The following KANK2 variants were observed in gnomAD, a reference collection of about 807,000 sequenced individuals.
The protein encoded by KANK2 is KN motif and ankyrin repeat domain-containing protein 2.
Under a neutral mutation model 74.6 loss-of-function variants are expected in KANK2, and 41 were observed. The observed-to-expected ratio is 0.55, with a 90% CI of 0.43 to 0.71. The LOEUF (loss-of-function observed/expected upper bound fraction) is 0.71, where lower values mean the gene tolerates loss of function less well. KANK2 is among the 30% of genes least tolerant of loss of function. The probability of loss-of-function intolerance (pLI) is 0.00; values close to 1 mark genes in which losing one functional copy is unlikely to be tolerated. For missense variants in KANK2, 1,148 were observed against 1,196.4 expected (o/e 0.96, Z 0.60); for synonymous variants, 537 against 519.0 (o/e 1.03, Z -0.47).
rs770899760 is a variant in KANK2, at chr19:11,170,125, C to T, written c.2335G>A (p.Ala779Thr). 10 of 1,613,024 alleles carry T rather than the reference C, an allele frequency of 6.2e-6. No individual in the cohort carries two copies. The highest frequency in any genetic ancestry group is 4.5e-5 in the East Asian group (2 of 44,908). Residue 779 changes from alanine to threonine, a missense_variant, in exon 11 of 13, where the codon GCC (alanine) becomes ACC (threonine). By Grantham distance (58) the Ala-to-Thr change is moderately conservative. Transcript: ENST00000586659. The surrounding 1 kb of genome is among the most constrained non-coding windows in gnomAD (Gnocchi z 5.2). ...ATCTCCTTGTGGCCGTGCTCACAGG[C>T]GCACATGAGGGCCGTGGAGCCGTCA... Reference protein sequence around the residue: ...DDDGSTALMCACEHGHKEIAG... With the variant: ...DDDGSTALMCTCEHGHKEIAG...
intron 12 of KANK2, 40 bp downstream of exon 12, chr19:11,169,837 C>T (rs1267660458): frequency 2.0e-6 from 3 of 1,496,166 alleles, no homozygotes; most frequent in Non-Finnish European, 2.8e-6. Context: ...CTTTCAGAGA[C>T]CCACCCATCC....
At chr19:11,176,995 G>T (rs2078360570) in intron 6 of KANK2, among the ~76,000 whole-genome samples, 178 bp from the exon 7 acceptor site, 1 of 152,010 alleles carries the variant, frequency 6.6e-6, no homozygotes, top group African/African-American at 2.4e-5. Context: ...CACACAGTAA[G>T]CGCTCAATAA....
Position 11,193,699 on chromosome 19 carries a change from C to A in KANK2, c.381G>T (p.Thr127=). The change falls in exon 4 of 13, where the codon ACG becomes ACT. Residue 127 remains threonine, a synonymous_variant. Transcript: ENST00000586659. This position sits in a 1 kb window ranked among gnomAD's most constrained non-coding sequence, Gnocchi z 9.6. ...RGGFNPRVER[T]LLDARRRLED... The stretch of plus-strand genomic sequence containing the variant: ...CGAGACGGCGACGGGCATCCAGCAG[C>A]GTGCGCTCCACCCGCGGATTGAAGC... The A allele has an allele frequency of 6.2e-7, 1 of 1,611,402 alleles. No homozygotes were observed. The highest frequency in any genetic ancestry group is 1.1e-5 in the South Asian group (1 of 91,018).
intron 12 of KANK2, among the ~76,000 whole-genome samples, chr19:11,167,800 T>C (rs557528425): frequency 1.5e-4 from 23 of 152,084 alleles, no homozygotes; most frequent in African/African-American, 5.5e-4. Flanking sequence ...AGTGCTGGGA[T>C]TACAGGCGTG....
At position 11,192,791 on chromosome 19, in the gene KANK2, C is replaced by A. The variant is rs199529899; in HGVS notation, c.1249+40G>T. ...GCCATGGGAAGAAAGAGGCCCCCCC[C>A]CCCCAAGCCATTCTCCCCTGCCTGC... On this transcript the variant is annotated intron_variant, in intron 4 of 12. Transcript: ENST00000586659. 1,932 of 1,582,712 alleles carry A rather than the reference C, an allele frequency of 1.2e-3. 11 individuals are homozygous for A. The highest frequency in any genetic ancestry group is 1.5e-3 in the Non-Finnish European group (1,700 of 1,159,660).
intron 9 of KANK2, among the ~76,000 whole-genome samples, chr19:11,173,412 C>T (rs2078235148): frequency 1.3e-5 from 2 of 152,176 alleles, no homozygotes; most frequent in South Asian, 2.1e-4. Context: ...GCCATTTACC[C>T]TCAGACTGGC....
At chr19:11,178,857 G>C in intron 4 of KANK2, 137 bp from the exon 5 acceptor site, 1 of 745,774 alleles carries the variant, frequency 1.3e-6, no homozygotes, top group Non-Finnish European at 2.0e-6. Flanking sequence ...CCTGCCCCTT[G>C]GAGGGAAATC....
In KANK2 at chr19:11,170,145, C is replaced by T; in HGVS notation, c.2315G>A (p.Gly772Asp). 1 of 1,612,604 alleles carries T rather than the reference C, an allele frequency of 6.2e-7. No homozygotes were observed. The highest frequency in any genetic ancestry group is 8.5e-7 in the Non-Finnish European group (1 of 1,180,024). The change falls in exon 11 of 13, where the codon GGC (glycine) becomes GAC (aspartate). Residue 772 changes from glycine (G) to aspartate (D), a missense_variant. Transcript: ENST00000586659. This position sits in a 1 kb window ranked among gnomAD's most constrained non-coding sequence, Gnocchi z 5.2. The stretch of plus-strand genomic sequence containing the variant: ...ACAGGCGCACATGAGGGCCGTGGAG[C>T]CGTCATCATCTTGCACGTTGACATC... The part of the protein sequence containing the change: ...EADVNVQDDD[G>D]STALMCACEH...
intron 12 of KANK2, 67 bp from the exon 13 acceptor site, chr19:11,166,678 T>A: frequency 6.8e-7 from 1 of 1,471,738 alleles, no homozygotes; most frequent in Non-Finnish European, 9.5e-7. Context: ...GCCAACGTGG[T>A]GGCTGGCCTG....
rs1345271242 is a variant in KANK2 at position 11,173,036 on chromosome 19, A to T, written c.2156T>A (p.Ile719Asn). Residue 719 changes from isoleucine (I) to asparagine (N), a missense_variant, in exon 10 of 13, where the codon ATC becomes AAC. By Grantham distance (149) the Ile-to-Asn change is moderately radical. Transcript: ENST00000586659. ...ALATLKTQDD[I>N]ETVLQLFRLG... ...CCGGAAGAGCTGAAGGACAGTCTCG[A>T]TGTCGTCCTGGGTCTTCAGGGTGGC... The T allele has an allele frequency of 1.2e-6, 2 of 1,613,982 alleles. No individual in the cohort carries two copies. The highest frequency in any genetic ancestry group is 1.7e-5 in the Admixed American group (1 of 59,990).
chr19:11,178,371 G>C lies in KANK2; in HGVS notation c.1494C>G (p.Ser498Arg), dbSNP rs551101665. 1.3e-6 allele frequency: 2 copies of C among 1,530,402 alleles called. No individual in the cohort carries two copies. The highest frequency in any genetic ancestry group is 5.0e-5 in the East Asian group (2 of 39,798). 94.8% of individuals were successfully genotyped at this position (1,530,402 alleles called of 1,614,324 possible). The part of the protein sequence containing the change: ...EVADPTAHRR[S>R]LQFVGVNGGY... ...CGCCGTTGACCCCCACGAACTGGAG[G>C]CTCCTCCGGTGGGCCGTGGGGTCTG... Residue 498 changes from serine to arginine, a missense_variant, in exon 6 of 13, where the codon AGC becomes AGG. Transcript: ENST00000586659.
chr19:11,173,122 A>G lies in KANK2; in HGVS notation c.2070T>C (p.Gly690=), dbSNP rs201723514. 410 of 1,612,188 alleles carry G rather than the reference A, an allele frequency of 2.5e-4. 1 individual carries two copies. In the Middle Eastern group the frequency reaches 3.6e-3, roughly 14 times the overall value. ...GGTTCTGTTTGTCCACCTTGCAGACACCTAAGAGACATGGTGTGAACCCTC... is the reference window on the plus strand; with the variant it reads ...GGTTCTGTTTGTCCACCTTGCAGACGCCTAAGAGACATGGTGTGAACCCTC... ...FPVVQQLLDS[G]VCKVDKQNRA... Residue 690 remains glycine, a splice_region_variant and synonymous_variant, in exon 10 of 13, where the codon GGT becomes GGC. Coordinates refer to ENST00000586659, the MANE Select transcript of KANK2 (RefSeq NM_001136191.3).
intron 3 of KANK2, among the ~76,000 whole-genome samples, 186 bp downstream of exon 3, chr19:11,194,287 CCT>C (rs1360705778): frequency 6.6e-6 from 1 of 152,052 alleles, no homozygotes; most frequent in Non-Finnish European, 1.5e-5. Context: ...TAGACTACCC[CCT>C]TTTTCCGGTA....
rs2078134141 is a variant in KANK2, at chr19:11,170,170, C to G, written c.2290G>C (p.Asp764His). Reference protein sequence around the residue: ...VVKALLACEADVNVQDDDGST... With the variant: ...VVKALLACEAHVNVQDDDGST... Reference sequence around the variant, plus strand: ...CCGTCATCATCTTGCACGTTGACATCTGCCTCACAGGCCAGCAGGGCTTTG... The same window carrying G: ...CCGTCATCATCTTGCACGTTGACATGTGCCTCACAGGCCAGCAGGGCTTTG... Residue 764 changes from aspartate (D) to histidine (H), a missense_variant, in exon 11 of 13, where the codon GAT becomes CAT. Transcript: ENST00000586659. The surrounding 1 kb of genome is among the most constrained non-coding windows in gnomAD (Gnocchi z 5.2). The G allele has an allele frequency of 6.2e-7, 1 of 1,612,242 alleles. No homozygotes were observed. Among genetic ancestry groups the G allele is most frequent in the Non-Finnish European group, 8.5e-7 (1 of 1,180,032 alleles).
chr19:11,193,580 G>A lies in KANK2; in HGVS notation c.500C>T (p.Pro167Leu), dbSNP rs377144489. The A allele has an allele frequency of 4.8e-5, 77 of 1,587,830 alleles. No homozygotes were observed. The highest frequency in any genetic ancestry group is 1.7e-4 in the Middle Eastern group (1 of 5,896). Residue 167 changes from proline (P) to leucine (L), a missense_variant, in exon 4 of 13, where the codon CCG (proline) becomes CTG (leucine). Physicochemically the swap from Pro to Leu is moderately conservative, Grantham distance 98. Coordinates refer to ENST00000586659, the MANE Select transcript of KANK2 (RefSeq NM_001136191.3). This position sits in a 1 kb window ranked among gnomAD's most constrained non-coding sequence, Gnocchi z 9.6. ...ASLVGVGLPP[P>L]TPRSSGLSTP... ...GGACAGTCCTGAACTCCGTGGTGTC[G>A]GGGGTGGCAACCCCACGCCCACCAG...
At chr19:11,169,498 A>T (rs937408856) in intron 12 of KANK2, among the ~76,000 whole-genome samples, 2 of 151,818 alleles carry the variant, frequency 1.3e-5, no homozygotes, top group Non-Finnish European at 2.9e-5. Flanking sequence ...ACAGAGTAAG[A>T]CCCAGTCTGA....
chr19:11,192,040 A>G (rs1164815879), intron 4 of KANK2, among the ~76,000 whole-genome samples: 4 of 152,210 alleles, frequency 2.6e-5, no homozygotes. Flanking sequence ...AGCCTGGGCA[A>G]TGGAGCGAGA....
chr19:11,176,537 C>A, intron 7 of KANK2, 41 bp downstream of exon 7: 6 of 1,535,660 alleles, frequency 3.9e-6, no homozygotes, highest in Non-Finnish European at 4.4e-6. Context: ...AGGTCATCCA[C>A]CCCCGGCCCT....
rs1363377516 is a variant in KANK2, at chr19:11,193,840, C to A, written c.240G>T (p.Trp80Cys). ...AGCACAGCGACTCAGTGGACGTCCA[C>A]CAGGAGCCAGGGCCACGGGGCAGCG... ...LSSLPRGPGS[W>C]WTSTESLCSN... The change falls in exon 4 of 13, where the codon TGG (tryptophan) becomes TGT (cysteine). Residue 80 changes from tryptophan (W) to cysteine (C), a missense_variant. Coordinates refer to ENST00000586659, the MANE Select transcript of KANK2 (RefSeq NM_001136191.3). This position sits in a 1 kb window ranked among gnomAD's most constrained non-coding sequence, Gnocchi z 9.6. 2 of 1,612,602 alleles carry A rather than the reference C, an allele frequency of 1.2e-6. No individual in the cohort carries two copies. The highest frequency in any genetic ancestry group is 8.5e-7 in the Non-Finnish European group (1 of 1,179,586).
Sources: gnomAD v4.1 joint callset for allele counts (sites outside exome capture counted in the v4.1 genomes callset) on GRCh38, gnomAD v4.1.1 for gene constraint, Gnocchi (gnomAD v3.1) non-coding constraint, MANE v1.5 for transcripts, NCBI Gene and HGNC (gene_info 2026-07-23, HGNC 2026-07-21) for gene names.